MACROD2: variants seen among roughly 807,000 people sequenced by gnomAD.
MACROD2 encodes the protein ADP-ribose glycohydrolase MACROD2.
MACROD2 carries 36 observed loss-of-function variants against 70.4 expected under a neutral mutation model. The observed-to-expected ratio is 0.51, with a 90% CI of 0.39 to 0.68. The LOEUF (loss-of-function observed/expected upper bound fraction) is 0.68. MACROD2 is among the 30% of genes least tolerant of loss of function. The pLI is 0.00. For synonymous variants in MACROD2, 172 were observed against 178.8 expected, an observed-to-expected ratio of 0.96 and a Z score of 0.30; for missense variants, 496 against 538.4, an observed-to-expected ratio of 0.92 and a Z score of 0.78.
intron 5 of MACROD2, among the ~76,000 whole-genome samples, chr20:14,836,590 A>G (rs1181670646): frequency 6.6e-6 from 1 of 152,076 alleles, no homozygotes; most frequent in Non-Finnish European, 1.5e-5. Context: ...TAGAATTAAA[A>G]TGTCTAAAAT....
chr20:14,545,518 A>G (rs2423812), intron 4 of MACROD2, among the ~76,000 whole-genome samples: 87,455 of 151,988 alleles, frequency 0.58, 25,948 homozygotes, highest in East Asian at 0.92. Context: ...TTTAATTATG[A>G]GATGTGGCTT....
chr20:15,288,050 T>C (rs2077507658), intron 6 of MACROD2, among the ~76,000 whole-genome samples: 1 of 152,228 alleles, frequency 6.6e-6, no homozygotes, highest in Admixed American at 6.5e-5. Flanking sequence ...TTAGGTAACC[T>C]GATTTGATTT....
chr20:14,056,461 T>C (rs547286248), intron 2 of MACROD2, among the ~76,000 whole-genome samples: 1 of 152,152 alleles, frequency 6.6e-6, no homozygotes, highest in South Asian at 2.1e-4. Context: ...ATTTTTCTTT[T>C]TGTGCAAAAG....
At chr20:14,594,058 G>T (rs542178274) in intron 4 of MACROD2, among the ~76,000 whole-genome samples, 1 of 152,210 alleles carries the variant, frequency 6.6e-6, no homozygotes, top group Non-Finnish European at 1.5e-5. Flanking sequence ...TACTAAATGA[G>T]ACATGGTAAG....
At chr20:15,243,569 C>T (rs1207689305) in intron 6 of MACROD2, among the ~76,000 whole-genome samples, 1 of 151,930 alleles carries the variant, frequency 6.6e-6, no homozygotes, top group Non-Finnish European at 1.5e-5. Flanking sequence ...AATAAATATG[C>T]AGTGGGGCCA....
intron 3 of MACROD2, among the ~76,000 whole-genome samples, chr20:14,263,995 A>G (rs1413970178): frequency 7.4e-6 from 1 of 135,114 alleles, no homozygotes; most frequent in Non-Finnish European, 1.6e-5. Flanking sequence ...ACACACACAC[A>G]CACACACACA....
intron 15 of MACROD2, among the ~76,000 whole-genome samples, chr20:15,995,283 T>C (rs541322184): frequency 3.3e-5 from 5 of 151,330 alleles, no homozygotes; most frequent in African/African-American, 1.2e-4. Context: ...ACAAAGCCAC[T>C]GCTGGGCTCA....
In MACROD2 at chr20:15,451,988, G is replaced by A. The variant is rs546650431; in HGVS notation, c.571+20553G>A. Among the ~76,000 whole-genome samples the A allele has an allele frequency of 3.3e-5, 5 of 152,220 alleles. No individual in the cohort carries two copies. The South Asian group carries it at 1.0e-3, about 32-fold the overall frequency. ...CCGTGGCCCAACAGAATCCTGAAGTGATGAATCTCAGGTTTGACAGTGGGT... is the reference window on the plus strand; with the variant it reads ...CCGTGGCCCAACAGAATCCTGAAGTAATGAATCTCAGGTTTGACAGTGGGT... On this transcript the variant is annotated intron_variant, in intron 7 of 17. Coordinates refer to ENST00000684519, the MANE Select transcript of MACROD2 (RefSeq NM_001351661.2).
chr20:14,025,315 G>T (rs1367740704), intron 2 of MACROD2, among the ~76,000 whole-genome samples: 1 of 152,062 alleles, frequency 6.6e-6, no homozygotes, highest in Non-Finnish European at 1.5e-5. Context: ...CAAAACACCA[G>T]CTCCTGGATT....
intron 5 of MACROD2, among the ~76,000 whole-genome samples, chr20:14,804,003 T>C (rs2072609177): frequency 6.6e-6 from 1 of 152,068 alleles, no homozygotes; most frequent in African/African-American, 2.4e-5. Flanking sequence ...TTGTGAACTT[T>C]AGTGACCATA....
chr20:14,356,049 G>A (rs1336526270), intron 3 of MACROD2, among the ~76,000 whole-genome samples: 2 of 152,152 alleles, frequency 1.3e-5, no homozygotes, highest in East Asian at 1.9e-4. Context: ...ACTCCAGACT[G>A]CTTAGTGTCA....
Position 15,924,059 on chromosome 20 carries a change from A to C in MACROD2, c.776-9217A>C, listed in dbSNP as rs74687501. 2.5e-3 allele frequency among the ~76,000 whole-genome samples: 381 copies of C among 152,322 alleles called. 1 individual carries two copies. Among genetic ancestry groups the C allele is most frequent in the Middle Eastern group, 0.017 (5 of 294 alleles). ...GAGGGCAAGAGCACATTTTTGGAAA[A>C]AGTTCATACAAAATCATGGGAAACC... On this transcript the variant is annotated intron_variant, in intron 10 of 17. Coordinates refer to ENST00000684519, the MANE Select transcript of MACROD2 (RefSeq NM_001351661.2).
intron 8 of MACROD2, among the ~76,000 whole-genome samples, chr20:15,764,417 A>C (rs542645005): frequency 6.6e-6 from 1 of 152,302 alleles, no homozygotes; most frequent in East Asian, 1.9e-4. Flanking sequence ...GCATCTTAAA[A>C]TTAACTGTCT....
At chr20:15,366,803 C>T (rs906686258) in intron 6 of MACROD2, among the ~76,000 whole-genome samples, 1 of 151,448 alleles carries the variant, frequency 6.6e-6, no homozygotes. Flanking sequence ...TCAAACAATC[C>T]TCCAGCCTCC....
At chr20:15,503,720 C>T (rs6110637) in intron 8 of MACROD2, among the ~76,000 whole-genome samples, 61,709 of 152,014 alleles carry the variant, frequency 0.41, 13,545 homozygotes, top group Non-Finnish European at 0.49. Flanking sequence ...CACCTGCTTA[C>T]GCGTGGCCCC....
At chr20:14,087,367 G>T (rs1254405871) in intron 3 of MACROD2, among the ~76,000 whole-genome samples, 1 of 151,534 alleles carries the variant, frequency 6.6e-6, no homozygotes, top group African/African-American at 2.4e-5. Flanking sequence ...CTGCACTCCA[G>T]CCTGGGTGAC....
chr20:15,402,082 C>G (rs1388930906), intron 6 of MACROD2, among the ~76,000 whole-genome samples: 3 of 152,196 alleles, frequency 2.0e-5, no homozygotes, highest in Non-Finnish European at 4.4e-5. Context: ...CGGCATTTTC[C>G]AGGTCTTGGT....
At chr20:14,166,159 A>G (rs1009225526) in intron 3 of MACROD2, among the ~76,000 whole-genome samples, 1 of 152,198 alleles carries the variant, frequency 6.6e-6, no homozygotes, top group African/African-American at 2.4e-5. Context: ...TATCTTTTGT[A>G]TAAAAAAAGT....
chr20:14,571,208 G>T (rs1308285345), intron 4 of MACROD2, among the ~76,000 whole-genome samples: 1 of 151,994 alleles, frequency 6.6e-6, no homozygotes, highest in Non-Finnish European at 1.5e-5. Flanking sequence ...ATTTGGCTTA[G>T]TTTTTTTCCT....
Sources: allele counts gnomAD v4.1 joint callset (sites outside exome capture counted in the v4.1 genomes callset), GRCh38; gene constraint gnomAD v4.1.1; transcripts MANE v1.5; gene names NCBI Gene and HGNC (gene_info 2026-07-23, HGNC 2026-07-21).